Variants in ZFAND3 observed in about 807,000 individuals in gnomAD.
The protein encoded by ZFAND3 is AN1-type zinc finger protein 3.
In ZFAND3, 10 loss-of-function variants were observed where a neutral mutation model predicts 29.6. That is an observed-to-expected ratio of 0.34 (90% CI 0.21 to 0.57). The LOEUF is 0.57. ZFAND3 is among the 20% of genes least tolerant of loss of function. The pLI is 0.86. For missense variants in ZFAND3, 230 were observed against 304.5 expected (o/e 0.76, Z 1.82); for synonymous variants, 128 against 112.6 (o/e 1.14, Z -0.87).
chr6:37,949,830 A>G (rs1761965806), intron 2 of ZFAND3, among the ~76,000 whole-genome samples: 1 of 152,138 alleles, frequency 6.6e-6, no homozygotes, highest in Admixed American at 6.5e-5. Context: ...GTTCTTCTTC[A>G]CCTTCCTCTT....
intron 2 of ZFAND3, among the ~76,000 whole-genome samples, chr6:38,030,414 C>G (rs538830840): frequency 1.3e-5 from 2 of 152,054 alleles, no homozygotes; most frequent in Non-Finnish European, 2.9e-5. Context: ...GCTGTATCAT[C>G]AAAACATACA....
intron 1 of ZFAND3, among the ~76,000 whole-genome samples, chr6:37,873,918 C>A (rs1043151475): frequency 5.3e-5 from 8 of 152,172 alleles, no homozygotes; most frequent in Non-Finnish European, 1.2e-4. Flanking sequence ...GTATAATTTT[C>A]ACGTCTCAGA....
At chr6:37,958,325 G>T (rs1025800838) in intron 2 of ZFAND3, among the ~76,000 whole-genome samples, 1 of 151,802 alleles carries the variant, frequency 6.6e-6, no homozygotes, top group African/African-American at 2.4e-5. Context: ...GTGGTGGCGG[G>T]CGCCTGTAAC....
intron 2 of ZFAND3, among the ~76,000 whole-genome samples, chr6:38,057,698 T>C (rs1241460901): frequency 6.6e-6 from 1 of 152,194 alleles, no homozygotes; most frequent in East Asian, 1.9e-4. Flanking sequence ...TGCACAGACT[T>C]TGGCATGGAA....
rs767652709 is a variant in ZFAND3, at chr6:38,082,405, A to G, written c.309A>G (p.Thr103=). The change falls in exon 4 of 6, where the codon ACA becomes ACG. Residue 103 remains threonine, a synonymous_variant. Transcript: ENST00000287218. Reference sequence around the variant, plus strand: ...TTCTGTTTCTAGGTGGGCCATGCACAGACACAGCTCATGTCTCATTAATCA... The same window carrying G: ...TTCTGTTTCTAGGTGGGCCATGCACGGACACAGCTCATGTCTCATTAATCA... ...SPSKEECGPC[T]DTAHVSLITP... 6.2e-7 allele frequency: 1 copy of G among 1,612,158 alleles called. No individual in the cohort carries two copies. Among genetic ancestry groups the G allele is most frequent in the Non-Finnish European group, 8.5e-7 (1 of 1,178,934 alleles).
chr6:37,868,174 GC>G (rs5875600), intron 1 of ZFAND3, among the ~76,000 whole-genome samples: 3,825 of 152,198 alleles, frequency 0.025, 51 homozygotes, highest in Non-Finnish European at 0.036. Context: ...TGCTTTTACT[GC>G]ATCTTTTGAA....
intron 2 of ZFAND3, among the ~76,000 whole-genome samples, chr6:38,031,988 T>A (rs532163328): frequency 6.6e-6 from 1 of 152,112 alleles, no homozygotes; most frequent in South Asian, 2.1e-4. Context: ...TATGGCACCA[T>A]GCCCAGTTAA....
intron 5 of ZFAND3, among the ~76,000 whole-genome samples, chr6:38,132,016 TC>T (rs1251856289): frequency 1.3e-5 from 2 of 151,936 alleles, no homozygotes; most frequent in Non-Finnish European, 2.9e-5. Context: ...ATAGAGTGTT[TC>T]CCCCCCACCA....
intron 1 of ZFAND3, 90 bp downstream of exon 1, chr6:37,820,106 G>A: frequency 1.0e-6 from 1 of 987,930 alleles, no homozygotes. Context: ...CCGGGAGGCC[G>A]GAACCTTGGA....
At chr6:38,106,676 G>A (rs1037673883) in intron 4 of ZFAND3, among the ~76,000 whole-genome samples, 4 of 151,504 alleles carry the variant, frequency 2.6e-5, no homozygotes, top group Non-Finnish European at 4.4e-5. Context: ...TATGGCGCTA[G>A]TTGTTTGTGT....
In ZFAND3 at chr6:38,154,281, C is replaced by A. The variant is rs1053221624; in HGVS notation, c.*1892C>A. ...CCCTCCCCAGGGCCCCCCGCCCCCT[C>A]CTCTGCCTGCTGCGTGGAGGCAGCC... On this transcript the variant is annotated 3_prime_UTR_variant, in exon 6 of 6. Transcript: ENST00000287218. The A allele has an allele frequency of 9.1e-6, 9 of 985,392 alleles. No individual in the cohort carries two copies. The highest frequency in any genetic ancestry group is 5.2e-4 in the Middle Eastern group (1 of 1,936). 61.0% of individuals were successfully genotyped at this position (985,392 alleles called of 1,614,324 possible).
At chr6:38,016,203 C>G (rs558459157) in intron 2 of ZFAND3, among the ~76,000 whole-genome samples, 184 of 152,260 alleles carry the variant, frequency 1.2e-3, no homozygotes, top group African/African-American at 4.2e-3. Context: ...GTGTGCACAT[C>G]TATGAAGTAA....
At chr6:38,135,515 C>T (rs1274309830) in intron 5 of ZFAND3, among the ~76,000 whole-genome samples, 2 of 152,128 alleles carry the variant, frequency 1.3e-5, no homozygotes, top group African/African-American at 2.4e-5. Context: ...GAGGCCAAGG[C>T]GGGTGGATCA....
chr6:37,907,513 C>G (rs1257292873), intron 1 of ZFAND3, among the ~76,000 whole-genome samples: 1 of 152,166 alleles, frequency 6.6e-6, no homozygotes, highest in Non-Finnish European at 1.5e-5. Flanking sequence ...GCTTCTCTCA[C>G]TGAACGTGTT....
At chr6:37,966,672 TC>T (rs1298601625) in intron 2 of ZFAND3, among the ~76,000 whole-genome samples, 1 of 152,162 alleles carries the variant, frequency 6.6e-6, no homozygotes, top group African/African-American at 2.4e-5. Context: ...GCTCTATCAC[TC>T]CCAAATACTT....
chr6:38,079,059 A>G (rs761547089), intron 3 of ZFAND3, among the ~76,000 whole-genome samples: 1 of 152,160 alleles, frequency 6.6e-6, no homozygotes, highest in African/African-American at 2.4e-5. Flanking sequence ...TCCTGCATTG[A>G]TTTTAACAGA....
At chr6:38,001,759 G>T (rs1762951959) in intron 2 of ZFAND3, among the ~76,000 whole-genome samples, 1 of 152,136 alleles carries the variant, frequency 6.6e-6, no homozygotes, top group Admixed American at 6.5e-5. Flanking sequence ...ACATGTATTT[G>T]TGCATTCCCA....
intron 1 of ZFAND3, among the ~76,000 whole-genome samples, chr6:37,878,704 A>G (rs1212240041): frequency 6.6e-6 from 1 of 152,206 alleles, no homozygotes; most frequent in African/African-American, 2.4e-5. Flanking sequence ...TCAAGCTGTT[A>G]GATTTGGGAA....
At chr6:37,923,012 A>T (rs1761411589) in intron 1 of ZFAND3, among the ~76,000 whole-genome samples, 1 of 152,218 alleles carries the variant, frequency 6.6e-6, no homozygotes, top group South Asian at 2.1e-4. Context: ...TATAAACTTT[A>T]AAAAAATTTT....
Sources: allele counts gnomAD v4.1 joint callset (sites outside exome capture counted in the v4.1 genomes callset), GRCh38; gene constraint gnomAD v4.1.1; transcripts MANE v1.5; gene names NCBI Gene and HGNC (gene_info 2026-07-23, HGNC 2026-07-21).